Variants in CAPZB observed in about 807,000 individuals in gnomAD.
CAPZB encodes the protein F-actin-capping protein subunit beta.
In CAPZB, 2 loss-of-function variants were observed where a neutral mutation model predicts 38.1. That is an observed-to-expected ratio of 0.05 (90% CI 0.02 to 0.17). CAPZB has a LOEUF of 0.17. Ranked by LOEUF, CAPZB falls within the 10% of genes least tolerant of loss-of-function variation. The pLI is 1.00. For synonymous variants in CAPZB, 107 were observed against 127.4 expected (o/e 0.84, Z 1.08); for missense variants, 161 against 334.2 (o/e 0.48, Z 4.04).
chr1:19,360,696 A>G (rs1317001223), intron 4 of CAPZB, among the ~76,000 whole-genome samples: 3 of 152,180 alleles, frequency 2.0e-5, no homozygotes, highest in Non-Finnish European at 2.9e-5. Flanking sequence ...CAACCGCATT[A>G]AAGTTTTATA....
chr1:19,394,484 G>T (rs1158851593), intron 2 of CAPZB, among the ~76,000 whole-genome samples: 1 of 152,240 alleles, frequency 6.6e-6, no homozygotes, highest in Non-Finnish European at 1.5e-5. Flanking sequence ...ACTCTGGGAG[G>T]CTGAGGTGGG....
intron 1 of CAPZB, among the ~76,000 whole-genome samples, chr1:19,473,255 TG>T (rs1236638041): frequency 3.3e-5 from 5 of 152,256 alleles, no homozygotes; most frequent in African/African-American, 9.6e-5. Flanking sequence ...AGGCCATCTC[TG>T]CCCCTTCCTA....
intron 2 of CAPZB, among the ~76,000 whole-genome samples, chr1:19,404,500 C>T (rs1020186646): frequency 1.1e-4 from 16 of 148,576 alleles, no homozygotes; most frequent in Admixed American, 4.7e-4. Context: ...GACGAGATCA[C>T]GCCACTGTAC....
At chr1:19,427,914 T>C (rs1184163589) in intron 1 of CAPZB, among the ~76,000 whole-genome samples, 4 of 152,216 alleles carry the variant, frequency 2.6e-5, no homozygotes, top group African/African-American at 4.8e-5. Flanking sequence ...TTTGTTTGTT[T>C]TGTTTTTTAA....
chr1:19,473,334 G>A (rs76675079), intron 1 of CAPZB, among the ~76,000 whole-genome samples: 3,293 of 152,116 alleles, frequency 0.022, 118 homozygotes, highest in African/African-American at 0.074. Flanking sequence ...GCAAAATGGG[G>A]GCATGCCAAG....
chr1:19,424,151 T>C (rs1182406797), intron 1 of CAPZB, among the ~76,000 whole-genome samples: 1 of 151,934 alleles, frequency 6.6e-6, no homozygotes, highest in African/African-American at 2.4e-5. Context: ...TTTAGACTAA[T>C]ATAACAAGGC....
At chr1:19,417,490 C>T (rs1362601009) in intron 2 of CAPZB, among the ~76,000 whole-genome samples, 1 of 152,112 alleles carries the variant, frequency 6.6e-6, no homozygotes, top group Non-Finnish European at 1.5e-5. Context: ...AGATTTCTGA[C>T]CAAGAAAAAT....
chr1:19,408,793 C>G (rs1389717185), intron 2 of CAPZB, among the ~76,000 whole-genome samples: 1 of 152,186 alleles, frequency 6.6e-6, no homozygotes, highest in African/African-American at 2.4e-5. Context: ...AAAGCCACAG[C>G]CCAGGTCTCC....
chr1:19,457,469 T>C (rs2094536576), intron 1 of CAPZB, among the ~76,000 whole-genome samples: 1 of 152,224 alleles, frequency 6.6e-6, no homozygotes, highest in African/African-American at 2.4e-5. Flanking sequence ...TACTATGTAC[T>C]GATAATTCTC....
chr1:19,414,574 T>C (rs775589798), intron 2 of CAPZB, among the ~76,000 whole-genome samples: 27 of 152,192 alleles, frequency 1.8e-4, no homozygotes, highest in Non-Finnish European at 3.1e-4. Context: ...AAGCAGAGAC[T>C]TTCTTGCCTA....
At chr1:19,398,701 G>A (rs771708390) in intron 2 of CAPZB, among the ~76,000 whole-genome samples, 1 of 151,934 alleles carries the variant, frequency 6.6e-6, no homozygotes, top group Non-Finnish European at 1.5e-5. Flanking sequence ...CCAAGCAGGG[G>A]AGACTGGAGG....
At chr1:19,461,559 C>T (rs2094552026) in intron 1 of CAPZB, among the ~76,000 whole-genome samples, 1 of 152,238 alleles carries the variant, frequency 6.6e-6, no homozygotes, top group African/African-American at 2.4e-5. Context: ...CTCACCTCAT[C>T]CTAAATCCTA....
chr1:19,430,696 C>A (rs533297966), intron 1 of CAPZB, among the ~76,000 whole-genome samples: 23 of 152,300 alleles, frequency 1.5e-4, no homozygotes, highest in African/African-American at 5.3e-4. Flanking sequence ...TCCTAGCACA[C>A]AGCTGGCGGC....
In CAPZB at chr1:19,481,046, C is replaced by T. The variant is rs569717428; in HGVS notation, c.3+4390G>A. On this transcript the variant is annotated intron_variant, in intron 1 of 8. Coordinates refer to ENST00000264202, the MANE Select transcript of CAPZB (RefSeq NM_004930.5). ...GACAGATATTACTTAACCCTCATTA[C>T]GACCTTATGCAGAGGTACTGTTATC... 1.2e-4 allele frequency among the ~76,000 whole-genome samples: 18 copies of T among 152,316 alleles called. No individual in the cohort carries two copies. In the South Asian group the frequency reaches 3.1e-3, roughly 26 times the overall value.
At chr1:19,470,927 G>C (rs1414222220) in intron 1 of CAPZB, among the ~76,000 whole-genome samples, 1 of 152,196 alleles carries the variant, frequency 6.6e-6, no homozygotes, top group East Asian at 1.9e-4. Flanking sequence ...TCCTAGCTCT[G>C]AGGCCTGCTG....
At chr1:19,367,830 G>A (rs2094098391) in intron 4 of CAPZB, among the ~76,000 whole-genome samples, 1 of 152,188 alleles carries the variant, frequency 6.6e-6, no homozygotes, top group Non-Finnish European at 1.5e-5. Flanking sequence ...AAATAATGAA[G>A]GCCTCTCTGG....
chr1:19,458,872 C>T (rs2094541556), intron 1 of CAPZB, among the ~76,000 whole-genome samples: 1 of 152,310 alleles, frequency 6.6e-6, no homozygotes, highest in East Asian at 1.9e-4. Context: ...GTCAGTTTCA[C>T]CACATTTAAG....
intron 4 of CAPZB, among the ~76,000 whole-genome samples, chr1:19,373,754 T>C (rs961248802): frequency 6.6e-6 from 1 of 152,132 alleles, no homozygotes; most frequent in Non-Finnish European, 1.5e-5. Context: ...TATGATGGCA[T>C]GACTATAGCT....
At chr1:19,442,261 C>G (rs1350361268) in intron 1 of CAPZB, among the ~76,000 whole-genome samples, 2 of 152,174 alleles carry the variant, frequency 1.3e-5, no homozygotes, top group African/African-American at 4.8e-5. Flanking sequence ...CTATTAGAAT[C>G]TGGCTTTCAG....
Sources: allele counts gnomAD v4.1 joint callset (sites outside exome capture counted in the v4.1 genomes callset), GRCh38; gene constraint gnomAD v4.1.1; transcripts MANE v1.5; gene names NCBI Gene and HGNC (gene_info 2026-07-23, HGNC 2026-07-21).